GRIK2: variants seen among roughly 807,000 people sequenced by gnomAD.
GRIK2 encodes glutamate receptor ionotropic, kainate 2.
In GRIK2, 32 loss-of-function variants were observed where a neutral mutation model predicts 100.3. The observed-to-expected ratio is 0.32, with a 90% CI of 0.24 to 0.43. The LOEUF is 0.43. GRIK2 is among the 20% of genes least tolerant of loss of function. The probability of loss-of-function intolerance (pLI) is 1.00; values close to 1 mark genes in which losing one functional copy is unlikely to be tolerated. For missense variants in GRIK2, 843 were observed against 1,114.9 expected, an observed-to-expected ratio of 0.76 and a Z score of 3.47; for synonymous variants, 417 against 389.4, an observed-to-expected ratio of 1.07 and a Z score of -0.83.
At chr6:101,613,051 AACT>A (rs1383020231) in intron 2 of GRIK2, among the ~76,000 whole-genome samples, 2 of 151,832 alleles carry the variant, frequency 1.3e-5, no homozygotes, top group African/African-American at 4.8e-5. Flanking sequence ...AGTAGCTATA[AACT>A]ACTGAAAAAA....
Position 101,709,639 on chromosome 6 carries a change from G to GA in GRIK2, c.951+23294dup, listed in dbSNP as rs556888118. Among the ~76,000 whole-genome samples, 26 of 151,334 alleles carry GA rather than the reference G, an allele frequency of 1.7e-4. 1 individual carries two copies. In the South Asian group the frequency reaches 1.9e-3, roughly 11 times the overall value. The stretch of plus-strand genomic sequence containing the variant: ...AAGCAGCTATTCTCTAGTTAATATA[G>GA]AAAAAAAATGCTTTAAAATGGAAGG... On this transcript the variant is annotated intron_variant, in intron 7 of 16. Coordinates refer to ENST00000369134, the MANE Select transcript of GRIK2 (RefSeq NM_021956.5).
intron 2 of GRIK2, among the ~76,000 whole-genome samples, chr6:101,529,545 A>G (rs1477716715): frequency 6.6e-6 from 1 of 151,990 alleles, no homozygotes; most frequent in Admixed American, 6.6e-5. Context: ...TGCCCTTGTG[A>G]TATAGTGTGC....
At position 101,626,516 on chromosome 6, in the gene GRIK2, C is replaced by T. The variant is rs758269308; in HGVS notation, c.420C>T (p.Asp140=). 33 of 1,613,998 alleles carry T rather than the reference C, an allele frequency of 2.0e-5. No individual in the cohort carries two copies. Among genetic ancestry groups the T allele is most frequent in the Non-Finnish European group, 2.5e-5 (30 of 1,179,928 alleles). Residue 140 remains aspartate (D), a synonymous_variant, in exon 4 of 17, where the codon GAC becomes GAT. Coordinates refer to ENST00000369134, the MANE Select transcript of GRIK2 (RefSeq NM_021956.5). ...CCCGCTGGAAGCACCAGGTGTCAGA[C>T]AACAAAGATTCCTTCTATGTCAGTC... is the stretch of plus-strand genomic sequence containing the variant. The part of the protein sequence containing the change: ...IQTRWKHQVS[D]NKDSFYVSLY...
chr6:101,823,862 G>GTTTTTTT (rs11454516), intron 10 of GRIK2, among the ~76,000 whole-genome samples: 3 of 130,400 alleles, frequency 2.3e-5, no homozygotes, highest in East Asian at 2.2e-4. Flanking sequence ...AGTAAGTTCT[G>GTTTTTTT]TTTTTTTTTT....
intron 2 of GRIK2, among the ~76,000 whole-genome samples, chr6:101,520,173 T>TA (rs1428072578): frequency 5.9e-5 from 6 of 101,272 alleles, no homozygotes. Context: ...ATCTTCTTTT[T>TA]ATTATAAATG....
intron 14 of GRIK2, among the ~76,000 whole-genome samples, chr6:102,021,028 A>C (rs1769394885): frequency 6.6e-6 from 1 of 151,962 alleles, no homozygotes; most frequent in South Asian, 2.1e-4. Context: ...TGTGCTTCCT[A>C]GACATGGTCA....
chr6:101,721,478 G>T (rs1349364764), intron 7 of GRIK2, among the ~76,000 whole-genome samples: 2 of 151,884 alleles, frequency 1.3e-5, no homozygotes, highest in Non-Finnish European at 1.5e-5. Flanking sequence ...AGGATCACCT[G>T]AGCCCAGGGA....
intron 2 of GRIK2, among the ~76,000 whole-genome samples, chr6:101,538,772 G>A (rs1033561290): frequency 6.6e-6 from 1 of 151,660 alleles, no homozygotes; most frequent in Admixed American, 6.6e-5. Flanking sequence ...TGTTAGAAAT[G>A]TCTGTAGAAC....
At chr6:101,787,587 T>C (rs1167319636) in intron 7 of GRIK2, among the ~76,000 whole-genome samples, 1 of 152,190 alleles carries the variant, frequency 6.6e-6, no homozygotes, top group Non-Finnish European at 1.5e-5. Context: ...TGCTGTTTAG[T>C]GTCCATATAT....
Position 101,621,806 on chromosome 6 carries a change from CTCTCTT to C in GRIK2, c.116-137_116-132del. 8 of 641,174 alleles carry C rather than the reference CTCTCTT, an allele frequency of 1.2e-5. No homozygotes were observed. In the South Asian group the frequency reaches 1.3e-4, roughly 10 times the overall value. The allele number at this position is 641,174 out of a possible 1,614,324, so 39.7% of individuals were successfully genotyped here. On this transcript the variant is annotated intron_variant, in intron 2 of 16. Coordinates refer to ENST00000369134, the MANE Select transcript of GRIK2 (RefSeq NM_021956.5). ...TGTACTTAAATCTCTCCCTCTCTCT[CTCTCTT>C]TCTCTCTCTCACACACACACACGCA... is the stretch of plus-strand genomic sequence containing the variant.
chr6:101,772,636 A>G (rs1258462741), intron 7 of GRIK2, among the ~76,000 whole-genome samples: 2 of 142,892 alleles, frequency 1.4e-5, no homozygotes, highest in African/African-American at 2.6e-5. Flanking sequence ...TATAATCTTG[A>G]AAAAAACTAG....
chr6:101,750,397 C>T (rs546315877), intron 7 of GRIK2, among the ~76,000 whole-genome samples: 1 of 152,108 alleles, frequency 6.6e-6, no homozygotes, highest in African/African-American at 2.4e-5. Context: ...TTATTTTACC[C>T]TTCTCACCGA....
intron 7 of GRIK2, among the ~76,000 whole-genome samples, chr6:101,753,937 TTTAA>T (rs1366836942): frequency 6.6e-6 from 1 of 152,088 alleles, no homozygotes; most frequent in Non-Finnish European, 1.5e-5. Context: ...ATTTAAAACT[TTTAA>T]TTAATGTTTT....
At chr6:102,017,691 G>T (rs543945065) in intron 14 of GRIK2, among the ~76,000 whole-genome samples, 1 of 151,920 alleles carries the variant, frequency 6.6e-6, no homozygotes. Context: ...TTTTCCCACA[G>T]TTCTTAGATA....
chr6:101,956,745 G>A (rs1791959079), intron 14 of GRIK2, among the ~76,000 whole-genome samples: 1 of 149,648 alleles, frequency 6.7e-6, no homozygotes, highest in Non-Finnish European at 1.5e-5. Flanking sequence ...AGTATTACAT[G>A]GGGTGTATGT....
chr6:102,046,350 C>T (rs1334975368), intron 15 of GRIK2, among the ~76,000 whole-genome samples: 1 of 152,088 alleles, frequency 6.6e-6, no homozygotes, highest in East Asian at 1.9e-4. Context: ...ACCCAAATCT[C>T]ATGTAGAATT....
intron 10 of GRIK2, among the ~76,000 whole-genome samples, chr6:101,836,667 T>A (rs867722630): frequency 0.027 from 2,862 of 106,786 alleles, 79 homozygotes; most frequent in African/African-American, 0.07. Context: ...ATATATTTTT[T>A]TTTTTTTTTT....
chr6:101,407,561 C>A (rs1164861960), intron 2 of GRIK2, among the ~76,000 whole-genome samples: 1 of 152,036 alleles, frequency 6.6e-6, no homozygotes, highest in African/African-American at 2.4e-5. Context: ...CCTTTTCTTT[C>A]CTAGTACATT....
At chr6:101,924,531 C>A in intron 12 of GRIK2, 70 bp from the exon 13 acceptor site, 1 of 814,584 alleles carries the variant, frequency 1.2e-6, no homozygotes, top group Non-Finnish European at 2.1e-6. Context: ...TCTTTTGCAG[C>A]AAAAAATGCT....
Sources: gnomAD v4.1 joint callset for allele counts (sites outside exome capture counted in the v4.1 genomes callset) on GRCh38, gnomAD v4.1.1 for gene constraint, MANE v1.5 for transcripts, NCBI Gene and HGNC (gene_info 2026-07-23, HGNC 2026-07-21) for gene names.